Variants in ERICH3 observed in about 807,000 individuals in gnomAD.
ERICH3 encodes glutamate rich 3.
A neutral mutation model predicts 131.1 loss-of-function variants in ERICH3; 126 were observed. The ratio of observed to expected loss-of-function variants is 0.96; its 90% CI spans 0.83 to 1.11. The LOEUF is 1.11. ERICH3 is among the 50% of genes most tolerant of loss of function. The probability of loss-of-function intolerance (pLI) is 0.00; values close to 1 mark genes in which losing one functional copy is unlikely to be tolerated. For missense variants in ERICH3, 2,050 were observed against 1,810.7 expected, an observed-to-expected ratio of 1.13 and a Z score of -2.40; for synonymous variants, 695 against 644.6, an observed-to-expected ratio of 1.08 and a Z score of -1.18.
chr1:74,653,360 A>G (rs1433779245), intron 1 of ERICH3, among the ~76,000 whole-genome samples: 1 of 151,800 alleles, frequency 6.6e-6, no homozygotes, highest in Non-Finnish European at 1.5e-5. Flanking sequence ...CTAGATACAC[A>G]CTGTGTGTGC....
intron 1 of ERICH3, among the ~76,000 whole-genome samples, chr1:74,659,701 A>T (rs1426038182): frequency 6.6e-6 from 1 of 152,202 alleles, no homozygotes; most frequent in African/African-American, 2.4e-5. Context: ...TCTGCAAAAC[A>T]TCCTATGTAT....
At chr1:74,600,012 A>G in intron 10 of ERICH3, 81 bp from the exon 11 acceptor site, 1 of 986,340 alleles carries the variant, frequency 1.0e-6, no homozygotes, top group Non-Finnish European at 1.5e-6. Context: ...GAGAACTTTG[A>G]CTCCATTATC....
chr1:74,592,668 A>G (rs187956345), intron 11 of ERICH3, among the ~76,000 whole-genome samples: 16 of 152,252 alleles, frequency 1.1e-4, no homozygotes, highest in Non-Finnish European at 1.9e-4. Flanking sequence ...CTCTGGTTCA[A>G]GTTTGAGTCA....
Position 74,571,576 on chromosome 1 carries a change from A to G in ERICH3, c.4134T>C (p.Phe1378=), listed in dbSNP as rs1646946683. The G allele has an allele frequency of 6.2e-7, 1 of 1,614,022 alleles. No homozygotes were observed. The highest frequency in any genetic ancestry group is 2.2e-5 in the East Asian group (1 of 44,862). Residue 1378 remains phenylalanine (F), a synonymous_variant, in exon 14 of 15, where the codon TTT becomes TTC. Coordinates refer to ENST00000326665, the MANE Select transcript of ERICH3 (RefSeq NM_001002912.5). The part of the protein sequence containing the change: ...EKTIANKASS[F]SDVAEEETWH... ...AGGTTTCTTCCTCAGCAACATCTGA[A>G]AAGGAGGAGGCTTTATTTGCTATTG...
intron 8 of ERICH3, among the ~76,000 whole-genome samples, chr1:74,617,334 C>A (rs922295258): frequency 7.9e-5 from 12 of 152,150 alleles, no homozygotes; most frequent in African/African-American, 2.6e-4. Flanking sequence ...ATGACATATA[C>A]CTAGAAATAA....
At chr1:74,662,814 C>A (rs1232842015) in intron 1 of ERICH3, among the ~76,000 whole-genome samples, 1 of 152,096 alleles carries the variant, frequency 6.6e-6, no homozygotes, top group Non-Finnish European at 1.5e-5. Flanking sequence ...GCAGTGATGA[C>A]TGAAATTATA....
chr1:74,575,088 A>G (rs1647027081), intron 13 of ERICH3, among the ~76,000 whole-genome samples: 1 of 151,746 alleles, frequency 6.6e-6, no homozygotes, highest in African/African-American at 2.4e-5. Flanking sequence ...CAACATCATC[A>G]CCAACAACCT....
chr1:74,620,892 G>A lies in ERICH3; in HGVS notation c.842C>T (p.Thr281Ile), dbSNP rs767652583. The A allele has an allele frequency of 1.1e-5, 18 of 1,597,712 alleles. No individual in the cohort carries two copies. Among genetic ancestry groups the A allele is most frequent in the Non-Finnish European group, 1.4e-5 (17 of 1,173,350 alleles). ...LTKDSRRIHK[T>I]SLHSNAAITM... The stretch of plus-strand genomic sequence containing the variant: ...AATAGCTGCATTACTATGTAAGGAT[G>A]TTTTATGAATCCTTCTTGAATCCTG... Residue 281 changes from threonine to isoleucine, a missense_variant, in exon 8 of 15, where the codon ACA becomes ATA. Transcript: ENST00000326665.
At chr1:74,665,333 C>T (rs1170872899) in intron 1 of ERICH3, among the ~76,000 whole-genome samples, 1 of 152,086 alleles carries the variant, frequency 6.6e-6, no homozygotes, top group Admixed American at 6.5e-5. Flanking sequence ...TCTAAGCCAC[C>T]CAGTCTATGG....
chr1:74,617,174 CAA>C (rs5775248), intron 8 of ERICH3, among the ~76,000 whole-genome samples: 73 of 138,252 alleles, frequency 5.3e-4, no homozygotes, highest in South Asian at 5.1e-3. Context: ...AAAAAACAAA[CAA>C]AAAAAAAAAA....
chr1:74,614,792 A>G (rs189579858), intron 8 of ERICH3, among the ~76,000 whole-genome samples: 23 of 152,330 alleles, frequency 1.5e-4, no homozygotes, highest in Admixed American at 5.2e-4. Flanking sequence ...AAACTAGGAA[A>G]GAGAGAGCTG....
chr1:74,631,180 A>T (rs915590810), intron 7 of ERICH3, among the ~76,000 whole-genome samples: 1 of 152,120 alleles, frequency 6.6e-6, no homozygotes, highest in African/African-American at 2.4e-5. Context: ...TTGCCTTCTT[A>T]CTAGCTTGTA....
rs201122011 is a variant in ERICH3, at chr1:74,641,309, C to T, written c.444+22G>A. The T allele has an allele frequency of 1.1e-4, 181 of 1,607,458 alleles. 1 individual carries two copies. The highest frequency in any genetic ancestry group is 8.7e-4 in the Admixed American group (51 of 58,486). On this transcript the variant is annotated intron_variant, in intron 5 of 14. Transcript: ENST00000326665. ...ATTAATTAGCTGGGATACTGCATGA[C>T]GAAGTGTTTAATATTACTCACCAGT...
chr1:74,655,834 C>A (rs1646579098), intron 1 of ERICH3, among the ~76,000 whole-genome samples: 1 of 152,082 alleles, frequency 6.6e-6, no homozygotes, highest in Non-Finnish European at 1.5e-5. Context: ...CCATTTAATG[C>A]TGCTGTAACA....
chr1:74,568,257 C>T lies in ERICH3; in HGVS notation c.*2201G>A, dbSNP rs1050928827. ...CAAAATATCACAATACTGAATTTCA[C>T]AGTTAAATTCACATGCAGATTGTAA... is the stretch of plus-strand genomic sequence containing the variant. On this transcript the variant is annotated 3_prime_UTR_variant, in exon 15 of 15. Coordinates refer to ENST00000326665, the MANE Select transcript of ERICH3 (RefSeq NM_001002912.5). 3 of 152,116 alleles carry T rather than the reference C, an allele frequency of 2.0e-5. No individual in the cohort carries two copies. The highest frequency in any genetic ancestry group is 7.2e-5 in the African/African-American group (3 of 41,434). 9.4% of individuals were successfully genotyped at this position (152,116 alleles called of 1,614,324 possible). A position where few individuals can be genotyped will look rare whatever the true frequency, so the allele number is the denominator to read the frequency against.
At chr1:74,601,989 C>T (rs1387682050) in intron 10 of ERICH3, among the ~76,000 whole-genome samples, 4 of 151,790 alleles carry the variant, frequency 2.6e-5, no homozygotes, top group African/African-American at 4.8e-5. Flanking sequence ...AGTAATCGTC[C>T]TTGTGATTGG....
chr1:74,605,388 C>A (rs1327398728), intron 10 of ERICH3, among the ~76,000 whole-genome samples: 1 of 151,920 alleles, frequency 6.6e-6, no homozygotes, highest in Non-Finnish European at 1.5e-5. Flanking sequence ...GCACTCTTAA[C>A]TTCCTTCAGG....
At chr1:74,601,815 C>T (rs146287968) in intron 10 of ERICH3, among the ~76,000 whole-genome samples, 3 of 151,978 alleles carry the variant, frequency 2.0e-5, no homozygotes, top group East Asian at 1.9e-4. Context: ...AGTTAAAACA[C>T]TTACTGACTA....
chr1:74,665,690 T>C (rs1296803436), intron 1 of ERICH3, among the ~76,000 whole-genome samples: 1 of 152,182 alleles, frequency 6.6e-6, no homozygotes, highest in Non-Finnish European at 1.5e-5. Flanking sequence ...TTTGTGAGCA[T>C]GTCTTTGTCC....
Sources: gnomAD v4.1 joint callset for allele counts (sites outside exome capture counted in the v4.1 genomes callset) on GRCh38, gnomAD v4.1.1 for gene constraint, MANE v1.5 for transcripts, NCBI Gene and HGNC (gene_info 2026-07-23, HGNC 2026-07-21) for gene names.